Variants in RNF213 observed in about 807,000 individuals in gnomAD.
The protein encoded by RNF213 is E3 ubiquitin-protein ligase RNF213.
Under a neutral mutation model 514.4 loss-of-function variants are expected in RNF213, and 341 were observed. The ratio of observed to expected loss-of-function variants is 0.66; its 90% CI spans 0.61 to 0.73. The LOEUF is 0.73. Among genes scored for constraint, RNF213 ranks in the 30% least tolerant of loss-of-function variants. RNF213 has a pLI of 0.00. For synonymous variants in RNF213, 2,655 were observed against 2,658.2 expected (o/e 1.00, Z 0.04); for missense variants, 5,767 against 6,615.6 (o/e 0.87, Z 4.45).
rs758123491 is a variant in RNF213 at position 80,319,207 on chromosome 17, G to T, written c.2919G>T (p.Gln973His). The change falls in exon 17 of 68, where the codon CAG becomes CAT. Residue 973 changes from glutamine (Q) to histidine (H), a missense_variant. Around this residue, in one of 13 missense-constraint regions of RNF213, gnomAD observed 516 missense variants for 566.5 expected, o/e 0.91. Transcript: ENST00000582970. Reference protein sequence around the residue: ...WRLTKEEPLSQITAYCNSCWD... With the variant: ...WRLTKEEPLSHITAYCNSCWD... ...TTTTGCAGGAGGAACCCCTCTCCCA[G>T]ATCACTGCCTACTGCAATAGTTGCT... The T allele has an allele frequency of 4.3e-6, 7 of 1,614,102 alleles. No homozygotes were observed. Among genetic ancestry groups the T allele is most frequent in the Non-Finnish European group, 5.9e-6 (7 of 1,180,048 alleles).
rs147408147 is a variant in RNF213 at position 80,386,355 on chromosome 17, C to G, written c.14645C>G (p.Ala4882Gly). 5.0e-6 allele frequency: 8 copies of G among 1,614,042 alleles called. No homozygotes were observed. The highest frequency in any genetic ancestry group is 5.9e-6 in the Non-Finnish European group (7 of 1,180,034). Residue 4882 changes from alanine to glycine, a missense_variant, in exon 62 of 68, where the codon GCT becomes GGT. This residue lies in a region of RNF213 where 1,245 missense variants were observed against 1,339.0 expected (regional missense o/e 0.93). Coordinates refer to ENST00000582970, the MANE Select transcript of RNF213 (RefSeq NM_001256071.3). ...RRRGLGLCAT[A>G]LVSYLIRLHN... The stretch of plus-strand genomic sequence containing the variant: ...CGGGGCCTGGGCCTCTGTGCTACCG[C>G]TCTCGTCAGCTACTTGATTCGCCTA...
Position 80,288,201 on chromosome 17 carries a change from G to A in RNF213, c.648G>A (p.Leu216=). 1.9e-6 allele frequency: 3 copies of A among 1,612,936 alleles called. No individual in the cohort carries two copies. Among genetic ancestry groups the A allele is most frequent in the Non-Finnish European group, 2.5e-6 (3 of 1,179,632 alleles). The part of the protein sequence containing the change: ...DASIPSGGRG[L]SQEGTGPPTS... Reference sequence around the variant, plus strand: ...CCATCCCCTCTGGGGGCAGAGGCCTGTCCCAGGAGGGGACCGGTCCCCCCA... The same window carrying A: ...CCATCCCCTCTGGGGGCAGAGGCCTATCCCAGGAGGGGACCGGTCCCCCCA... Residue 216 remains leucine, a synonymous_variant, in exon 4 of 68, where the codon CTG becomes CTA. Coordinates refer to ENST00000582970, the MANE Select transcript of RNF213 (RefSeq NM_001256071.3). This position sits in a 1 kb window ranked among gnomAD's most constrained non-coding sequence, Gnocchi z 4.9.
At chr17:80,378,581 CA>C (rs1412300551) in intron 54 of RNF213, among the ~76,000 whole-genome samples, 1 of 152,166 alleles carries the variant, frequency 6.6e-6, no homozygotes, top group Non-Finnish European at 1.5e-5. Context: ...CTCGGCCTCC[CA>C]AAGTGTTGGG....
chr17:80,292,169 C>A (rs930574104), intron 8 of RNF213, among the ~76,000 whole-genome samples: 3 of 152,186 alleles, frequency 2.0e-5, no homozygotes, highest in Non-Finnish European at 4.4e-5. Context: ...ACTGCAACCT[C>A]CGCCTCCCAG....
In RNF213 at chr17:80,289,762, A is replaced by AC; in HGVS notation, c.1038dup (p.Arg347GlnfsTer50). Reference sequence around the variant, plus strand: ...GACCTCAAGAAGCCAGAGGGGAAGAACAGAAGTGCAGCTGCTGTGAAAAAC... The same window carrying AC: ...GACCTCAAGAAGCCAGAGGGGAAGAACCAGAAGTGCAGCTGCTGTGAAAAAC... On this transcript the variant is annotated frameshift_variant, in exon 6 of 68. Coordinates refer to ENST00000582970, the MANE Select transcript of RNF213 (RefSeq NM_001256071.3). LOFTEE classifies it high-confidence loss of function. 6.2e-7 allele frequency: 1 copy of AC among 1,613,972 alleles called. No homozygotes were observed. Among genetic ancestry groups the AC allele is most frequent in the Non-Finnish European group, 8.5e-7 (1 of 1,179,994 alleles).
In RNF213 at chr17:80,313,791, A is replaced by T. The variant is rs59096304; in HGVS notation, c.2811+624A>T. Among the ~76,000 whole-genome samples, 114 of 21,056 alleles carry T rather than the reference A, an allele frequency of 5.4e-3. 2 individuals carry two copies. Among genetic ancestry groups the T allele is most frequent in the Middle Eastern group, 0.025 (1 of 40 alleles). 13.8% of individuals were successfully genotyped at this position (21,056 alleles called of 152,430 possible). A position where few individuals can be genotyped will look rare whatever the true frequency, so the allele number is the denominator to read the frequency against. On this transcript the variant is annotated intron_variant, in intron 15 of 67. Coordinates refer to ENST00000582970, the MANE Select transcript of RNF213 (RefSeq NM_001256071.3). ...GGTACTGGAGGTGATGGTGGTGGTG[A>T]AGGTGATGGTGGAGGTAATGGAGGT...
rs928336881 is a variant in RNF213 at position 80,393,807 on chromosome 17, G to A, written c.*309G>A. 5.4e-6 allele frequency: 2 copies of A among 369,178 alleles called. No individual in the cohort carries two copies. The highest frequency in any genetic ancestry group is 1.0e-5 in the Non-Finnish European group (2 of 192,288). The allele number at this position is 369,178 out of a possible 1,614,324, so 22.9% of individuals were successfully genotyped here. A position where few individuals can be genotyped will look rare whatever the true frequency, so the allele number is the denominator to read the frequency against. ...ACATTGTTTACATTCCAGGAGACTT[G>A]TAGCTCAGCCACACACGCAGTAATG... is the stretch of plus-strand genomic sequence containing the variant. On this transcript the variant is annotated 3_prime_UTR_variant, in exon 68 of 68. Coordinates refer to ENST00000582970, the MANE Select transcript of RNF213 (RefSeq NM_001256071.3).
chr17:80,275,316 T>G (rs1343373605), intron 3 of RNF213, among the ~76,000 whole-genome samples: 1 of 151,890 alleles, frequency 6.6e-6, no homozygotes, highest in Non-Finnish European at 1.5e-5. Context: ...ACTCCCTTTT[T>G]ATGCCTAATT....
intron 11 of RNF213, 142 bp from the exon 12 acceptor site, chr17:80,306,110 G>T (rs1003321707): frequency 3.7e-6 from 3 of 803,366 alleles, no homozygotes; most frequent in South Asian, 1.4e-5. Flanking sequence ...ATTCAGGTGT[G>T]AGCCACCACG....
rs370276315 is a variant in RNF213 at position 80,347,482 on chromosome 17, C to T, written c.9147C>T (p.Tyr3049=). Residue 3049 remains tyrosine, a synonymous_variant, in exon 29 of 68, where the codon TAC becomes TAT. Coordinates refer to ENST00000582970, the MANE Select transcript of RNF213 (RefSeq NM_001256071.3). This position sits in a 1 kb window ranked among gnomAD's most constrained non-coding sequence, Gnocchi z 7.2. ...ACTTACTCGTGCTGACCAAAAACTA[C>T]GTGGCACTGCAGATCCTGCAGCAGA... The part of the protein sequence containing the change: ...SRYLLVLTKN[Y]VALQILQQTF... 84 of 1,614,072 alleles carry T rather than the reference C, an allele frequency of 5.2e-5. 1 individual carries two copies. The South Asian group carries it at 6.3e-4, about 12-fold the overall frequency.
Position 80,343,303 on chromosome 17 carries a change from T to C in RNF213, c.6161T>C (p.Phe2054Ser). 1 of 1,612,716 alleles carries C rather than the reference T, an allele frequency of 6.2e-7. No homozygotes were observed. Among genetic ancestry groups the C allele is most frequent in the Non-Finnish European group, 8.5e-7 (1 of 1,179,726 alleles). ...DAQYQKVPVL[F>S]HLDVTSSVQT... is the part of the protein sequence containing the mutation. ...CAGTATCAGAAGGTCCCCGTGCTCT[T>C]TCACCTGGACGTGACCTCCTCAGTA... Residue 2054 changes from phenylalanine (F) to serine (S), a missense_variant, in exon 27 of 68, where the codon TTT (phenylalanine) becomes TCT (serine). Phe to Ser is a radical substitution (Grantham distance 155). This residue lies in a region of RNF213 where 1,377 missense variants were observed against 1,635.2 expected (regional missense o/e 0.84). Transcript: ENST00000582970. This position sits in a 1 kb window ranked among gnomAD's most constrained non-coding sequence, Gnocchi z 4.3.
intron 3 of RNF213, among the ~76,000 whole-genome samples, chr17:80,277,585 G>T (rs1310859691): frequency 8.3e-6 from 1 of 119,798 alleles, no homozygotes; most frequent in African/African-American, 3.3e-5. Flanking sequence ...GCGACAGTGA[G>T]ACTCTGTCTC....
chr17:80,312,805 C>T (rs1261048362), intron 14 of RNF213, among the ~76,000 whole-genome samples: 1 of 152,188 alleles, frequency 6.6e-6, no homozygotes, highest in African/African-American at 2.4e-5. Context: ...TCTCCCGTAT[C>T]TCCCACGTTC....
At chr17:80,286,283 T>G (rs1598920919) in intron 3 of RNF213, among the ~76,000 whole-genome samples, 1 of 142,460 alleles carries the variant, frequency 7.0e-6, no homozygotes, top group African/African-American at 2.6e-5. Context: ...GGTCGGAGGG[T>G]CGGGGGGTGG....
chr17:80,346,206 G>A lies in RNF213; in HGVS notation c.7871G>A (p.Gly2624Asp). The change falls in exon 29 of 68, where the codon GGT becomes GAT. Residue 2624 changes from glycine to aspartate, a missense_variant. Around this residue, in one of 13 missense-constraint regions of RNF213, gnomAD observed 1,377 missense variants for 1,635.2 expected, o/e 0.84. Coordinates refer to ENST00000582970, the MANE Select transcript of RNF213 (RefSeq NM_001256071.3). This position sits in a 1 kb window ranked among gnomAD's most constrained non-coding sequence, Gnocchi z 8.1. ...ACAGAAGTCCTCTGCGCCTCTCAGG[G>A]TTTCATGAGGAAAACAGAAGATGAG... ...VITEVLCASQ[G>D]FMRKTEDECS... 6.2e-7 allele frequency: 1 copy of A among 1,614,196 alleles called. No individual in the cohort carries two copies. The highest frequency in any genetic ancestry group is 8.5e-7 in the Non-Finnish European group (1 of 1,180,048).
intron 37 of RNF213, among the ~76,000 whole-genome samples, chr17:80,359,587 AGAAAGAAAGAGC>A (rs1455630554): frequency 3.7e-5 from 5 of 134,908 alleles, no homozygotes; most frequent in Non-Finnish European, 1.7e-5. Context: ...AGGAAGAAAG[AGAAAGAAAGAGC>A]GAGAGAAAGA....
chr17:80,344,038 G>C (rs376768154), intron 28 of RNF213, 23 bp downstream of exon 28: 28 of 1,608,750 alleles, frequency 1.7e-5, no homozygotes, highest in Non-Finnish European at 2.3e-5. Context: ...GGGCGTTTTC[G>C]CCTGGCGTGG....
intron 44 of RNF213, among the ~76,000 whole-genome samples, chr17:80,368,433 G>GGT (rs1555675698): frequency 7.3e-6 from 1 of 137,082 alleles, no homozygotes; most frequent in Non-Finnish European, 1.6e-5. Flanking sequence ...AGACGCCAGT[G>GGT]TTTTTTTTTT....
In RNF213 at chr17:80,393,401, A is replaced by G. The variant is rs772463155; in HGVS notation, c.15527A>G (p.Glu5176Gly). 2 of 1,614,212 alleles carry G rather than the reference A, an allele frequency of 1.2e-6. No homozygotes were observed. The highest frequency in any genetic ancestry group is 2.2e-5 in the East Asian group (1 of 44,888). The change falls in exon 68 of 68, where the codon GAA becomes GGA. Residue 5176 changes from glutamate (E) to glycine (G), a missense_variant. Around this residue, in one of 13 missense-constraint regions of RNF213, gnomAD observed 1,245 missense variants for 1,339.0 expected, o/e 0.93. Transcript: ENST00000582970. ...MQTKESEILP[E>G]MASQFPEEIL... ...ACTAAAGAAAGTGAAATTCTTCCTG[A>G]AATGGCATCTCAGTTCCCAGAAGAG...
Sources: allele counts gnomAD v4.1 joint callset (sites outside exome capture counted in the v4.1 genomes callset), GRCh38; gene constraint gnomAD v4.1.1; regional missense constraint gnomAD v4.1.1; non-coding constraint Gnocchi (gnomAD v3.1); transcripts MANE v1.5; gene names NCBI Gene and HGNC (gene_info 2026-07-23, HGNC 2026-07-21).